The following EYA1 variants were observed in gnomAD, a reference collection of about 807,000 sequenced individuals.
EYA1 encodes protein phosphatase EYA1.
Under a neutral mutation model 82.0 loss-of-function variants are expected in EYA1, and 16 were observed. That is an observed-to-expected ratio of 0.20 (90% CI 0.13 to 0.30). EYA1 has a LOEUF of 0.30. EYA1 is among the 10% of genes least tolerant of loss of function. The pLI, the probability that EYA1 is intolerant of heterozygous loss-of-function variation, is 1.00. For synonymous variants in EYA1, 261 were observed against 264.4 expected (o/e 0.99, Z 0.12); for missense variants, 633 against 730.7 (o/e 0.87, Z 1.54).
intron 2 of EYA1, among the ~76,000 whole-genome samples, chr8:71,484,698 G>A (rs563818193): frequency 6.6e-6 from 1 of 152,316 alleles, no homozygotes; most frequent in Non-Finnish European, 1.5e-5. Flanking sequence ...GAGGTGTGCT[G>A]GGAAATCCTC....
chr8:71,310,845 T>C (rs1821260601), intron 7 of EYA1, among the ~76,000 whole-genome samples: 1 of 152,072 alleles, frequency 6.6e-6, no homozygotes, highest in Admixed American at 6.6e-5. Context: ...TAACAAACAT[T>C]TGTATATTTT....
intron 2 of EYA1, among the ~76,000 whole-genome samples, chr8:71,503,551 G>A (rs1028469341): frequency 2.6e-5 from 4 of 151,922 alleles, no homozygotes; most frequent in Non-Finnish European, 5.9e-5. Flanking sequence ...TCTCCTTGAG[G>A]TCTACATATT....
intron 2 of EYA1, among the ~76,000 whole-genome samples, chr8:71,372,242 C>T (rs1465121097): frequency 6.6e-6 from 1 of 152,088 alleles, no homozygotes; most frequent in Non-Finnish European, 1.5e-5. Context: ...TGACTTCAGA[C>T]TTCTCAATTA....
chr8:71,322,238 G>A lies in EYA1; in HGVS notation c.233C>T (p.Pro78Leu). The A allele has an allele frequency of 1.2e-6, 2 of 1,613,994 alleles. No homozygotes were observed. The highest frequency in any genetic ancestry group is 1.3e-5 in the African/African-American group (1 of 75,028). The change falls in exon 5 of 18, where the codon CCA becomes CTA. Residue 78 changes from proline (P) to leucine (L), a missense_variant. Transcript: ENST00000340726. ...CTGTGGTGGAGAGAACTGGTGAGTTGGTCGTGGGCTGAAACTACTGCTCCC... is the reference window on the plus strand; with the variant it reads ...CTGTGGTGGAGAGAACTGGTGAGTTAGTCGTGGGCTGAAACTACTGCTCCC... The part of the protein sequence containing the change: ...AIGSSSFSPR[P>L]THQFSPPQIY...
intron 2 of EYA1, among the ~76,000 whole-genome samples, chr8:71,488,310 A>G (rs1810723421): frequency 6.6e-6 from 1 of 151,998 alleles, no homozygotes; most frequent in African/African-American, 2.4e-5. Flanking sequence ...AATGATATAA[A>G]GGATAATATA....
At chr8:71,270,012 G>A (rs896081531) in intron 10 of EYA1, among the ~76,000 whole-genome samples, 189 bp from the exon 11 acceptor site, 1 of 152,146 alleles carries the variant, frequency 6.6e-6, no homozygotes, top group Non-Finnish European at 1.5e-5. Context: ...CTTTGGATGA[G>A]GTGCAAGAGG....
intron 2 of EYA1, among the ~76,000 whole-genome samples, chr8:71,368,640 A>G (rs1205131531): frequency 6.6e-6 from 1 of 152,222 alleles, no homozygotes; most frequent in African/African-American, 2.4e-5. Flanking sequence ...GACTTTATGC[A>G]TTTTAAATTT....
At chr8:71,311,737 T>C (rs1472181608) in intron 7 of EYA1, among the ~76,000 whole-genome samples, 1 of 152,242 alleles carries the variant, frequency 6.6e-6, no homozygotes, top group Non-Finnish European at 1.5e-5. Context: ...TCTAATCTTT[T>C]AGTGGTGCAC....
chr8:71,543,522 T>G (rs1403948680), intron 1 of EYA1, among the ~76,000 whole-genome samples: 5 of 152,236 alleles, frequency 3.3e-5, no homozygotes, highest in African/African-American at 1.2e-4. Flanking sequence ...ATAGTTTAGT[T>G]TCTGATAGAT....
intron 1 of EYA1, among the ~76,000 whole-genome samples, chr8:71,544,708 C>T (rs889652518): frequency 1.3e-5 from 2 of 152,216 alleles, no homozygotes; most frequent in African/African-American, 4.8e-5. Context: ...TTCTGATCCC[C>T]CTCCAAAGGA....
chr8:71,270,810 T>C (rs952302461), intron 10 of EYA1, among the ~76,000 whole-genome samples: 3 of 152,132 alleles, frequency 2.0e-5, no homozygotes, highest in Admixed American at 2.0e-4. Context: ...TATATATAAG[T>C]GTGTCTTTCA....
At chr8:71,441,122 A>C (rs1806404672) in intron 2 of EYA1, among the ~76,000 whole-genome samples, 1 of 152,190 alleles carries the variant, frequency 6.6e-6, no homozygotes, top group Non-Finnish European at 1.5e-5. Flanking sequence ...TGATTTGAGA[A>C]ATTGTAACAT....
At chr8:71,224,383 G>C (rs1158950623) in intron 12 of EYA1, among the ~76,000 whole-genome samples, 1 of 152,214 alleles carries the variant, frequency 6.6e-6, no homozygotes. Context: ...TTTTCATTGT[G>C]TCTTTACATC....
chr8:71,330,861 G>GCA lies in EYA1; in HGVS notation c.202+3235_202+3236insTG, dbSNP rs201727818. Among the ~76,000 whole-genome samples, 5 of 116,552 alleles carry GCA rather than the reference G, an allele frequency of 4.3e-5. No individual in the cohort carries two copies. The South Asian group carries it at 9.4e-4, about 22-fold the overall frequency. The allele number at this position is 116,552 out of a possible 152,430, so 76.5% of individuals were successfully genotyped here. A position where few individuals can be genotyped will look rare whatever the true frequency, so the allele number is the denominator to read the frequency against. On this transcript the variant is annotated intron_variant, in intron 4 of 17. Transcript: ENST00000340726. ...TTTATCCTTGATTTCTTGTGTGTGTGTGTGTGTGTGTGTGTATGCATACGC... is the reference window on the plus strand; with the variant it reads ...TTTATCCTTGATTTCTTGTGTGTGTGCATGTGTGTGTGTGTGTATGCATACGC...
chr8:71,386,221 G>A (rs556556746), intron 2 of EYA1, among the ~76,000 whole-genome samples: 1 of 152,096 alleles, frequency 6.6e-6, no homozygotes, highest in Non-Finnish European at 1.5e-5. Context: ...GATCAGCACT[G>A]TCTCCAAGAC....
At position 71,354,861 on chromosome 8, in the gene EYA1, A is replaced by C; in HGVS notation, c.45T>G (p.Gly15=). 1 of 1,613,678 alleles carries C rather than the reference A, an allele frequency of 6.2e-7. No homozygotes were observed. Among genetic ancestry groups the C allele is most frequent in the Non-Finnish European group, 8.5e-7 (1 of 1,179,656 alleles). ...DLTSPHSRLS[G]SSESPSGPKL... is the part of the protein sequence containing the mutation. Reference sequence around the variant, plus strand: ...TGGGGCCACTGGGGGATTCACTACTACCACTCAGACGGCTATGCGGGCTGG... The same window carrying C: ...TGGGGCCACTGGGGGATTCACTACTCCCACTCAGACGGCTATGCGGGCTGG... Residue 15 remains glycine, a synonymous_variant, in exon 3 of 18, where the codon GGT becomes GGG. Transcript: ENST00000340726.
intron 2 of EYA1, among the ~76,000 whole-genome samples, chr8:71,513,659 C>CTTAATA (rs1435273446): frequency 1.4e-4 from 22 of 152,098 alleles, no homozygotes; most frequent in Admixed American, 3.3e-4. Context: ...TTATCATTGA[C>CTTAATA]TATAGTCACC....
chr8:71,445,332 T>C (rs1450021078), intron 2 of EYA1, among the ~76,000 whole-genome samples: 2 of 152,176 alleles, frequency 1.3e-5, no homozygotes, highest in Non-Finnish European at 2.9e-5. Flanking sequence ...TTGAAATTGG[T>C]AGCTGAAATG....
At chr8:71,460,586 C>G (rs146064118) in intron 2 of EYA1, among the ~76,000 whole-genome samples, 9 of 152,150 alleles carry the variant, frequency 5.9e-5, no homozygotes, top group Non-Finnish European at 1.0e-4. Flanking sequence ...AGTAGGTTGT[C>G]ATGGCTGGGA....
Sources: allele counts gnomAD v4.1 joint callset (sites outside exome capture counted in the v4.1 genomes callset), GRCh38; gene constraint gnomAD v4.1.1; transcripts MANE v1.5; gene names NCBI Gene and HGNC (gene_info 2026-07-23, HGNC 2026-07-21).